REV3L: variants seen among roughly 807,000 people sequenced by gnomAD.
REV3L encodes the protein DNA polymerase zeta catalytic subunit.
REV3L carries 69 observed loss-of-function variants against 299.4 expected under a neutral mutation model. That is an observed-to-expected ratio of 0.23 (90% CI 0.19 to 0.28). REV3L has a LOEUF of 0.28. REV3L is among the 10% of genes least tolerant of loss of function. The probability of loss-of-function intolerance (pLI) is 1.00; values close to 1 mark genes in which losing one functional copy is unlikely to be tolerated. For synonymous variants in REV3L, 1,238 were observed against 1,271.4 expected (o/e 0.97, Z 0.56); for missense variants, 3,128 against 3,693.8 (o/e 0.85, Z 3.97).
chr6:111,335,641 C>A, intron 21 of REV3L, 31 bp from the exon 22 acceptor site: 1 of 1,581,216 alleles, frequency 6.3e-7, no homozygotes. Context: ...TTATGAACAT[C>A]AGGGAAAAAT....
intron 13 of REV3L, among the ~76,000 whole-genome samples, chr6:111,369,258 G>T (rs1779535884): frequency 6.9e-6 from 1 of 145,390 alleles, no homozygotes; most frequent in Non-Finnish European, 1.5e-5. Context: ...CTCCAACCTG[G>T]GTGACAGAGC....
At chr6:111,353,166 TACTAG>T (rs2114954505) in intron 18 of REV3L, among the ~76,000 whole-genome samples, 1 of 152,308 alleles carries the variant, frequency 6.6e-6, no homozygotes, top group East Asian at 1.9e-4. Flanking sequence ...ATGTCTACAG[TACTAG>T]ACTAATTTAC....
At chr6:111,399,133 G>A (rs1782825984) in intron 4 of REV3L, among the ~76,000 whole-genome samples, 3 of 151,912 alleles carry the variant, frequency 2.0e-5, no homozygotes, top group Admixed American at 1.3e-4. Flanking sequence ...TTCACCTACT[G>A]GAAAAAACTA....
intron 1 of REV3L, among the ~76,000 whole-genome samples, chr6:111,482,231 T>A (rs1793796464): frequency 6.6e-6 from 1 of 152,136 alleles, no homozygotes; most frequent in African/African-American, 2.4e-5. Flanking sequence ...GCCCACTGCA[T>A]CTCCGGAACT....
intron 1 of REV3L, among the ~76,000 whole-genome samples, chr6:111,450,434 G>C (rs1174001884): frequency 7.8e-6 from 1 of 128,118 alleles, no homozygotes; most frequent in African/African-American, 2.9e-5. Context: ...AGCCATGCTT[G>C]TGCCATTGCA....
chr6:111,408,468 G>A (rs1227783157), intron 3 of REV3L, among the ~76,000 whole-genome samples: 1 of 152,108 alleles, frequency 6.6e-6, no homozygotes, highest in African/African-American at 2.4e-5. Flanking sequence ...GCCAGGCATG[G>A]TGGTGGGCAC....
chr6:111,439,432 A>G (rs1355910985), intron 1 of REV3L, among the ~76,000 whole-genome samples: 1 of 152,204 alleles, frequency 6.6e-6, no homozygotes, highest in Non-Finnish European at 1.5e-5. Flanking sequence ...GACAACAACC[A>G]ATTGAGAGCA....
At chr6:111,473,307 T>C (rs553189874) in intron 1 of REV3L, among the ~76,000 whole-genome samples, 1 of 152,070 alleles carries the variant, frequency 6.6e-6, no homozygotes, top group East Asian at 1.9e-4. Context: ...GCAATCTTCC[T>C]GCCTCTGCTT....
In REV3L at chr6:111,309,985, C is replaced by G; in HGVS notation, c.8910G>C (p.Val2970=). The change falls in exon 30 of 32, where the codon GTG becomes GTC. Residue 2970 remains valine, a synonymous_variant. Coordinates refer to ENST00000368802, the MANE Select transcript of REV3L (RefSeq NM_001372078.1). ...VPLIQLVRRP[V]EVLQDPTLRL... ...TCAGAGTTGGGTCCTGCAGGACTTCCACTGGGCGCCTTACAAGCTGGATAA... is the reference window on the plus strand; with the variant it reads ...TCAGAGTTGGGTCCTGCAGGACTTCGACTGGGCGCCTTACAAGCTGGATAA... 6.2e-7 allele frequency: 1 copy of G among 1,613,820 alleles called. No homozygotes were observed. The highest frequency in any genetic ancestry group is 8.5e-7 in the Non-Finnish European group (1 of 1,179,890).
chr6:111,357,155 A>G, intron 17 of REV3L, 30 bp from the exon 18 acceptor site: 3 of 827,140 alleles, frequency 3.6e-6, no homozygotes, highest in Non-Finnish European at 5.3e-6. Flanking sequence ...TCTATTATAT[A>G]TAACATTATA....
chr6:111,367,707 T>G lies in REV3L; in HGVS notation c.6081A>C (p.Pro2027=). 6.2e-7 allele frequency: 1 copy of G among 1,614,238 alleles called. No homozygotes were observed. The highest frequency in any genetic ancestry group is 8.5e-7 in the Non-Finnish European group (1 of 1,180,038). ...ERSKKLPKTK[P]TGVVKSAENF... ...TCTCAGCAGATTTTACAACTCCAGT[T>G]GGCTTGGTTTTAGGCAGTTTCTTGG... is the stretch of plus-strand genomic sequence containing the variant. Residue 2027 remains proline, a synonymous_variant, in exon 14 of 32, where the codon CCA becomes CCC. Transcript: ENST00000368802.
intron 17 of REV3L, 58 bp downstream of exon 17, chr6:111,358,764 C>G (rs1778352891): frequency 2.3e-6 from 3 of 1,315,936 alleles, no homozygotes; most frequent in Non-Finnish European, 3.2e-6. Flanking sequence ...CAGGAATTCC[C>G]CATTAAAACA....
intron 21 of REV3L, among the ~76,000 whole-genome samples, chr6:111,343,056 A>T (rs1416443214): frequency 2.0e-5 from 3 of 152,208 alleles, no homozygotes; most frequent in Non-Finnish European, 4.4e-5. Flanking sequence ...AACACACAAC[A>T]GCCATATGAC....
At position 111,423,573 on chromosome 6, in the gene REV3L, T is replaced by C. The variant is rs142243070; in HGVS notation, c.140-7101A>G. Among the ~76,000 whole-genome samples, 188 of 152,246 alleles carry C rather than the reference T, an allele frequency of 1.2e-3. 1 individual carries two copies. Among genetic ancestry groups the C allele is most frequent in the African/African-American group, 4.2e-3 (173 of 41,546 alleles). On this transcript the variant is annotated intron_variant, in intron 1 of 31. Transcript: ENST00000368802. Reference sequence around the variant, plus strand: ...GTGTGAGAGAAAGTCTGTGTTTTTGTGTGTGTGCGCACATGCATGTACTAA... The same window carrying C: ...GTGTGAGAGAAAGTCTGTGTTTTTGCGTGTGTGCGCACATGCATGTACTAA...
intron 1 of REV3L, among the ~76,000 whole-genome samples, chr6:111,471,185 A>G (rs923828174): frequency 1.3e-5 from 2 of 152,022 alleles, no homozygotes; most frequent in African/African-American, 4.8e-5. Flanking sequence ...AGAGCAATAA[A>G]TCCTACTGAC....
At chr6:111,313,296 C>T in intron 28 of REV3L, 56 bp downstream of exon 28, 1 of 1,528,142 alleles carries the variant, frequency 6.5e-7, no homozygotes, top group Middle Eastern at 1.8e-4. Flanking sequence ...TACATTTTCA[C>T]CAGACACTTT....
chr6:111,367,788 G>A lies in REV3L; in HGVS notation c.6000C>T (p.Ala2000=). The A allele has an allele frequency of 6.2e-7, 1 of 1,614,022 alleles. No homozygotes were observed. Among genetic ancestry groups the A allele is most frequent in the South Asian group, 1.1e-5 (1 of 91,068 alleles). Residue 2000 remains alanine, a synonymous_variant, in exon 14 of 32, where the codon GCC becomes GCT. Transcript: ENST00000368802. ...ACACTTGAACCAGTTGTCGACTTGG[G>A]GCACATTTGCAAGGCATAATCACAA... The part of the protein sequence containing the change: ...KKIVIMPCKC[A]PSRQLVQVWL...
At chr6:111,442,750 G>GAC in intron 1 of REV3L, among the ~76,000 whole-genome samples, 1 of 152,194 alleles carries the variant, frequency 6.6e-6, no homozygotes, top group South Asian at 2.1e-4. Flanking sequence ...CTTATCAGTT[G>GAC]TCTTATTAAC....
chr6:111,375,833 T>C lies in REV3L; in HGVS notation c.2522A>G (p.Gln841Arg), dbSNP rs1562214848. 1 of 1,613,584 alleles carries C rather than the reference T, an allele frequency of 6.2e-7. No individual in the cohort carries two copies. The highest frequency in any genetic ancestry group is 8.5e-7 in the Non-Finnish European group (1 of 1,179,778). Reference sequence around the variant, plus strand: ...CTCACTACTTTTGGTAGAAGTCTCCTGATGACCTGCAAGTTTCCTTTTATT... The same window carrying C: ...CTCACTACTTTTGGTAGAAGTCTCCCGATGACCTGCAAGTTTCCTTTTATT... ...KLNKRKLAGH[Q>R]ETSTKSSETG... Residue 841 changes from glutamine to arginine, a missense_variant, in exon 13 of 32, where the codon CAG (glutamine) becomes CGG (arginine). Physicochemically the swap from Gln to Arg is conservative, Grantham distance 43. Around this residue, in one of 9 missense-constraint regions of REV3L, gnomAD observed 2,409 missense variants for 2,611.8 expected, o/e 0.92. Transcript: ENST00000368802.
Sources: allele counts gnomAD v4.1 joint callset (sites outside exome capture counted in the v4.1 genomes callset), GRCh38; gene constraint gnomAD v4.1.1; regional missense constraint gnomAD v4.1.1; transcripts MANE v1.5; gene names NCBI Gene and HGNC (gene_info 2026-07-23, HGNC 2026-07-21).